PARPBP: variants seen among roughly 807,000 people sequenced by gnomAD.
PARPBP encodes PCNA-interacting partner.
A neutral mutation model predicts 50.0 loss-of-function variants in PARPBP; 52 were observed. The ratio of observed to expected loss-of-function variants is 1.04; its 90% CI spans 0.83 to 1.31. PARPBP has a LOEUF of 1.31. Among genes scored for constraint, PARPBP ranks in the 50% most tolerant of loss-of-function variants. The pLI is 0.00. For missense variants in PARPBP, 697 were observed against 672.0 expected, an observed-to-expected ratio of 1.04 and a Z score of -0.41; for synonymous variants, 244 against 232.1, an observed-to-expected ratio of 1.05 and a Z score of -0.47.
chr12:102,197,044 G>T lies in PARPBP; in HGVS notation c.*753G>T. 1.2e-6 allele frequency: 2 copies of T among 1,612,040 alleles called. No homozygotes were observed. Among genetic ancestry groups the T allele is most frequent in the South Asian group, 2.2e-5 (2 of 91,036 alleles). ...ATCCCCAATTTCTCTCTTTTCTTGT[G>T]TTGATTCAGTATTCTGAACTCCATT... On this transcript the variant is annotated 3_prime_UTR_variant, in exon 11 of 11. Coordinates refer to ENST00000327680, the MANE Select transcript of PARPBP (RefSeq NM_017915.5).
intron 6 of PARPBP, among the ~76,000 whole-genome samples, chr12:102,171,636 G>A (rs139212170): frequency 6.6e-6 from 1 of 152,062 alleles, no homozygotes; most frequent in Admixed American, 6.5e-5. Flanking sequence ...GGAGGCCGAG[G>A]CGGGCGGATC....
rs148499224 is a variant in PARPBP, at chr12:102,154,211, A to G, written c.495+235A>G. ...ATTGAACAAAAATAGTTATCATTCA[A>G]AGTATCAGGAAAGTAATTGAAGGTC... On this transcript the variant is annotated intron_variant, in intron 4 of 10. Transcript: ENST00000327680. Among the ~76,000 whole-genome samples the G allele has an allele frequency of 7.9e-5, 12 of 152,330 alleles. No individual in the cohort carries two copies. The East Asian group carries it at 2.3e-3, about 29-fold the overall frequency.
At chr12:102,140,426 A>T (rs1458672786) in intron 2 of PARPBP, among the ~76,000 whole-genome samples, 1 of 152,104 alleles carries the variant, frequency 6.6e-6, no homozygotes, top group East Asian at 1.9e-4. Context: ...GATCCTTTCA[A>T]AAAAACAGCT....
At chr12:102,178,428 C>T (rs1447546333) in intron 7 of PARPBP, among the ~76,000 whole-genome samples, 164 bp from the exon 8 acceptor site, 4 of 152,160 alleles carry the variant, frequency 2.6e-5, no homozygotes, top group Non-Finnish European at 2.9e-5. Context: ...TATAGCATGG[C>T]TTAAGGAAAA....
chr12:102,120,501 G>A (rs1880838801), intron 1 of PARPBP: 1 of 456,530 alleles, frequency 2.2e-6, no homozygotes, highest in Admixed American at 2.3e-5. Flanking sequence ...GGTAGGTCCT[G>A]AGGGTTCGTC....
At chr12:102,169,337 T>G (rs1011165569) in intron 6 of PARPBP, among the ~76,000 whole-genome samples, 1 of 152,140 alleles carries the variant, frequency 6.6e-6, no homozygotes, top group Non-Finnish European at 1.5e-5. Context: ...AATTCGAACC[T>G]CTTTCCTGAG....
intron 9 of PARPBP, among the ~76,000 whole-genome samples, chr12:102,185,268 TAA>T (rs1890201526): frequency 1.3e-5 from 2 of 152,236 alleles, no homozygotes; most frequent in African/African-American, 4.8e-5. Context: ...AAATGCTTTT[TAA>T]GCATCAGTTG....
intron 9 of PARPBP, among the ~76,000 whole-genome samples, chr12:102,189,509 A>G (rs1274154847): frequency 1.3e-5 from 2 of 152,222 alleles, no homozygotes; most frequent in Admixed American, 1.3e-4. Context: ...TTATCCGCAC[A>G]TGGCTAGCAC....
chr12:102,177,687 A>C (rs1187442368), intron 7 of PARPBP, among the ~76,000 whole-genome samples: 1 of 152,152 alleles, frequency 6.6e-6, no homozygotes, highest in Non-Finnish European at 1.5e-5. Flanking sequence ...TATATTTTAC[A>C]CATTGCCATC....
chr12:102,131,011 C>G (rs924290329), intron 2 of PARPBP, among the ~76,000 whole-genome samples: 1 of 152,176 alleles, frequency 6.6e-6, no homozygotes, highest in Non-Finnish European at 1.5e-5. Flanking sequence ...GATATCATCT[C>G]ACACCAGCAG....
intron 2 of PARPBP, among the ~76,000 whole-genome samples, chr12:102,140,905 T>A (rs868624062): frequency 4.9e-4 from 74 of 152,148 alleles, no homozygotes; most frequent in African/African-American, 1.7e-3. Context: ...ACTTCCAACT[T>A]AGTGGTCAAT....
At chr12:102,128,797 G>A (rs985832452) in intron 2 of PARPBP, among the ~76,000 whole-genome samples, 2 of 152,084 alleles carry the variant, frequency 1.3e-5, no homozygotes, top group Non-Finnish European at 2.9e-5. Flanking sequence ...TAGGAGTCCT[G>A]ATCTCTCTTC....
chr12:102,151,530 T>C, intron 3 of PARPBP: 1 of 1,446,734 alleles, frequency 6.9e-7, no homozygotes, highest in Non-Finnish European at 9.4e-7. Context: ...GGGTCCCTGA[T>C]GCCTGCACAC....
chr12:102,196,937 A>G lies in PARPBP; in HGVS notation c.*646A>G, dbSNP rs1212490986. On this transcript the variant is annotated 3_prime_UTR_variant, in exon 11 of 11. Transcript: ENST00000327680. The stretch of plus-strand genomic sequence containing the variant: ...ACTCAGAGTTCTGTTTAATGGTGGT[A>G]GGATGTAAGAATTGAATTTTGAAAA... 2 of 1,496,422 alleles carry G rather than the reference A, an allele frequency of 1.3e-6. No homozygotes were observed. Among genetic ancestry groups the G allele is most frequent in the African/African-American group, 2.8e-5 (2 of 72,332 alleles). 92.7% of individuals were successfully genotyped at this position (1,496,422 alleles called of 1,614,324 possible). A position where few individuals can be genotyped will look rare whatever the true frequency, so the allele number is the denominator to read the frequency against.
At chr12:102,181,523 T>C (rs751301000) in intron 8 of PARPBP, among the ~76,000 whole-genome samples, 58 of 152,120 alleles carry the variant, frequency 3.8e-4, no homozygotes, top group Non-Finnish European at 7.2e-4. Context: ...TAAAGGTAAG[T>C]ATTTATGTGA....
At position 102,123,882 on chromosome 12, in the gene PARPBP, T is replaced by C. The variant is rs1400281777; in HGVS notation, c.-3-4T>C. ...TTTAACTTTGTATTCTGTCCTACTT[T>C]AAGATAATGGCTGTGTTTAATCAGA... On this transcript the variant is annotated splice_region_variant and splice_polypyrimidine_tract_variant and intron_variant, in intron 1 of 10. Coordinates refer to ENST00000327680, the MANE Select transcript of PARPBP (RefSeq NM_017915.5). 6.5e-7 allele frequency: 1 copy of C among 1,531,648 alleles called. No individual in the cohort carries two copies. The highest frequency in any genetic ancestry group is 1.2e-5 in the South Asian group (1 of 83,918). The allele number at this position is 1,531,648 out of a possible 1,614,324, so 94.9% of individuals were successfully genotyped here. A position where few individuals can be genotyped will look rare whatever the true frequency, so the allele number is the denominator to read the frequency against.
chr12:102,141,426 T>C lies in PARPBP; in HGVS notation c.154-6804T>C, dbSNP rs1319827844. On this transcript the variant is annotated intron_variant, in intron 2 of 10. Transcript: ENST00000327680. ...CTGAATACAGCACACTGATGGGTCT[T>C]GACTCTTTATCCAATTTGCCAGTCT... Among the ~76,000 whole-genome samples, 4 of 152,188 alleles carry C rather than the reference T, an allele frequency of 2.6e-5. No individual in the cohort carries two copies. In the East Asian group the frequency reaches 7.7e-4, roughly 29 times the overall value.
intron 1 of PARPBP, among the ~76,000 whole-genome samples, chr12:102,121,038 A>G (rs1880975446): frequency 2.0e-5 from 3 of 152,206 alleles, no homozygotes; most frequent in Admixed American, 2.0e-4. Context: ...TGTATAGTGC[A>G]GCCTGCCATT....
At chr12:102,148,514 A>G (rs757730862) in intron 3 of PARPBP, 51 bp downstream of exon 3, 6 of 710,498 alleles carry the variant, frequency 8.4e-6, no homozygotes, top group South Asian at 2.5e-5. Context: ...ATTTAGCTCT[A>G]TTTATTTTGA....
Sources: gnomAD v4.1 joint callset for allele counts (sites outside exome capture counted in the v4.1 genomes callset) on GRCh38, gnomAD v4.1.1 for gene constraint, MANE v1.5 for transcripts, NCBI Gene and HGNC (gene_info 2026-07-23, HGNC 2026-07-21) for gene names.